AJAP1: variants seen among roughly 807,000 people sequenced by gnomAD.
AJAP1 encodes adherens junction-associated protein 1.
AJAP1 carries 5 observed loss-of-function variants against 35.0 expected under a neutral mutation model. The observed-to-expected ratio is 0.14, with a 90% CI of 0.07 to 0.30. The LOEUF (loss-of-function observed/expected upper bound fraction) is 0.30, where lower values mean the gene tolerates loss of function less well. Among genes scored for constraint, AJAP1 ranks in the 10% least tolerant of loss-of-function variants. The pLI is 1.00. For synonymous variants in AJAP1, 284 were observed against 249.3 expected, an observed-to-expected ratio of 1.14 and a Z score of -1.31; for missense variants, 586 against 571.0, an observed-to-expected ratio of 1.03 and a Z score of -0.27.
intron 1 of AJAP1, among the ~76,000 whole-genome samples, chr1:4,683,772 C>T (rs1158003366): frequency 6.6e-6 from 1 of 152,166 alleles, no homozygotes; most frequent in African/African-American, 2.4e-5. Context: ...TGCCAGCTCC[C>T]GAGTACTGAT....
intron 1 of AJAP1, among the ~76,000 whole-genome samples, chr1:4,670,632 A>G (rs751367065): frequency 6.6e-6 from 1 of 152,182 alleles, no homozygotes; most frequent in African/African-American, 2.4e-5. Flanking sequence ...GATCCCTGCA[A>G]ACTGCCTGGT....
chr1:4,696,372 G>A (rs920324507), intron 1 of AJAP1, among the ~76,000 whole-genome samples: 1 of 152,182 alleles, frequency 6.6e-6, no homozygotes, highest in South Asian at 2.1e-4. Context: ...TTCCGGATGC[G>A]ATGATCTCAT....
intron 1 of AJAP1, among the ~76,000 whole-genome samples, chr1:4,668,345 T>C (rs6672122): frequency 0.76 from 114,054 of 150,894 alleles, 43,456 homozygotes; most frequent in African/African-American, 0.79. Context: ...TGCGTGTGCG[T>C]GTGTGTGTGT....
At chr1:4,747,027 TGA>T (rs932908742) in intron 2 of AJAP1, among the ~76,000 whole-genome samples, 7 of 152,202 alleles carry the variant, frequency 4.6e-5, no homozygotes, top group African/African-American at 1.7e-4. Context: ...CGTGTTCACG[TGA>T]GGTCACCTGT....
intron 1 of AJAP1, among the ~76,000 whole-genome samples, chr1:4,710,639 C>A (rs1457034948): frequency 6.6e-6 from 1 of 152,270 alleles, no homozygotes; most frequent in Non-Finnish European, 1.5e-5. Context: ...GCGCTTGGCA[C>A]CTGAACACCC....
At chr1:4,759,398 G>T (rs1641514039) in intron 2 of AJAP1, among the ~76,000 whole-genome samples, 1 of 152,190 alleles carries the variant, frequency 6.6e-6, no homozygotes, top group Non-Finnish European at 1.5e-5. Context: ...AATATTGGAG[G>T]AATCTGGCCT....
chr1:4,728,000 G>A (rs1435959825), intron 2 of AJAP1, among the ~76,000 whole-genome samples: 9 of 152,212 alleles, frequency 5.9e-5, no homozygotes, highest in East Asian at 1.9e-4. Flanking sequence ...GGCCCTGGTC[G>A]CCTCCGTTCC....
At chr1:4,666,967 G>T (rs936443215) in intron 1 of AJAP1, among the ~76,000 whole-genome samples, 1 of 149,642 alleles carries the variant, frequency 6.7e-6, no homozygotes, top group Non-Finnish European at 1.5e-5. Context: ...AGGGGTTGCA[G>T]AGAGGAGCCT....
At chr1:4,694,651 G>A (rs764481237) in intron 1 of AJAP1, among the ~76,000 whole-genome samples, 17 of 152,244 alleles carry the variant, frequency 1.1e-4, no homozygotes, top group Non-Finnish European at 2.4e-4. Flanking sequence ...TCTCCCCTTG[G>A]TGGGCAGGTG....
chr1:4,714,505 A>G (rs1325866666), intron 2 of AJAP1, among the ~76,000 whole-genome samples: 1 of 152,162 alleles, frequency 6.6e-6, no homozygotes, highest in African/African-American at 2.4e-5. Context: ...ATTTATTCCA[A>G]ATTACATTTG....
intron 1 of AJAP1, among the ~76,000 whole-genome samples, chr1:4,696,910 A>G (rs1639874150): frequency 2.0e-5 from 3 of 149,718 alleles, no homozygotes. Context: ...GACTGTGTAC[A>G]TGCATGCATG....
In AJAP1 at chr1:4,723,834, C is replaced by T. The variant is rs568397165; in HGVS notation, c.829+11135C>T. 1.3e-4 allele frequency among the ~76,000 whole-genome samples: 19 copies of T among 151,872 alleles called. No homozygotes were observed. In the East Asian group the frequency reaches 2.3e-3, roughly 19 times the overall value. On this transcript the variant is annotated intron_variant, in intron 2 of 5. Transcript: ENST00000378191. The surrounding 1 kb of genome is among the most constrained non-coding windows in gnomAD (Gnocchi z 4.3). ...GTATTCAGGCACGTCTTTCTGCCAA[C>T]GTGAATGACCCAGTAGAGAATGGAA...
intron 2 of AJAP1, among the ~76,000 whole-genome samples, chr1:4,741,156 C>G (rs1641060631): frequency 6.6e-6 from 1 of 152,100 alleles, no homozygotes; most frequent in African/African-American, 2.4e-5. Context: ...CTAGGTTTCT[C>G]TCTGGGAGAA....
Position 4,734,366 on chromosome 1 carries a change from T to G in AJAP1, c.829+21667T>G, listed in dbSNP as rs2100303400. ...CATAAGGCCCACAGGACACACGTCC[T>G]GGGAAGAAGGCATTCCTCTGATCTT... On this transcript the variant is annotated intron_variant, in intron 2 of 5. Transcript: ENST00000378191. This position sits in a 1 kb window ranked among gnomAD's most constrained non-coding sequence, Gnocchi z 4.3. 6.6e-6 allele frequency among the ~76,000 whole-genome samples: 1 copy of G among 152,298 alleles called. No individual in the cohort carries two copies. The highest frequency in any genetic ancestry group is 6.5e-5 in the Admixed American group (1 of 15,296).
chr1:4,707,222 A>G (rs1640120908), intron 1 of AJAP1, among the ~76,000 whole-genome samples: 2 of 152,038 alleles, frequency 1.3e-5, no homozygotes, highest in Non-Finnish European at 1.5e-5. Context: ...TGCACTCCAC[A>G]TTGTCCCCAC....
In AJAP1 at chr1:4,692,471, C is replaced by T. The variant is rs544615176; in HGVS notation, c.30-19429C>T. Among the ~76,000 whole-genome samples, 16 of 152,278 alleles carry T rather than the reference C, an allele frequency of 1.1e-4. 1 individual carries two copies. In the South Asian group the frequency reaches 1.7e-3, roughly 16 times the overall value. The stretch of plus-strand genomic sequence containing the variant: ...TGTAATTGCTTTGCTGGCTGGGTCC[C>T]AAGGAAGCACCTGCCCCCAAATTCC... On this transcript the variant is annotated intron_variant, in intron 1 of 5. Transcript: ENST00000378191. This position sits in a 1 kb window ranked among gnomAD's most constrained non-coding sequence, Gnocchi z 4.4.
chr1:4,666,955 G>A (rs1356734065), intron 1 of AJAP1, among the ~76,000 whole-genome samples: 1 of 150,536 alleles, frequency 6.6e-6, no homozygotes, highest in Non-Finnish European at 1.5e-5. Flanking sequence ...CATGAATCAC[G>A]GAGGGGTTGC....
At chr1:4,694,903 A>C (rs1570121162) in intron 1 of AJAP1, among the ~76,000 whole-genome samples, 1 of 152,110 alleles carries the variant, frequency 6.6e-6, no homozygotes, top group East Asian at 1.9e-4. Context: ...TTGGCAGCTG[A>C]GTGGACGGAC....
chr1:4,702,599 C>T (rs1359113030), intron 1 of AJAP1, among the ~76,000 whole-genome samples: 1 of 152,196 alleles, frequency 6.6e-6, no homozygotes, highest in Non-Finnish European at 1.5e-5. Context: ...AGACCGCTGT[C>T]ATGGTCCCTT....
Sources: allele counts gnomAD v4.1 joint callset (sites outside exome capture counted in the v4.1 genomes callset), GRCh38; gene constraint gnomAD v4.1.1; non-coding constraint Gnocchi (gnomAD v3.1); transcripts MANE v1.5; gene names NCBI Gene and HGNC (gene_info 2026-07-23, HGNC 2026-07-21).